The following CDH22 variants were observed in gnomAD, a reference collection of about 807,000 sequenced individuals.
CDH22 encodes the protein cadherin 22, also known as cadherin-22.
CDH22 carries 30 observed loss-of-function variants against 58.4 expected under a neutral mutation model. The ratio of observed to expected loss-of-function variants is 0.51; its 90% CI spans 0.38 to 0.70. The LOEUF (loss-of-function observed/expected upper bound fraction) is 0.70. Ranked by LOEUF, CDH22 falls within the 30% of genes least tolerant of loss-of-function variation. The pLI is 0.00. For missense variants in CDH22, 1,014 were observed against 1,233.9 expected (o/e 0.82, Z 2.67); for synonymous variants, 513 against 558.2 (o/e 0.92, Z 1.14).
In CDH22 at chr20:46,176,345, C is replaced by T. The variant is rs111353614; in HGVS notation, c.1916-1268G>A. Among the ~76,000 whole-genome samples, 1,321 of 152,350 alleles carry T rather than the reference C, an allele frequency of 8.7e-3. 17 individuals are homozygous for T. The highest frequency in any genetic ancestry group is 0.029 in the African/African-American group (1,215 of 41,578). ...GCCCTCTTGTTGACCAAGCGAATCT[C>T]AAACTTAACAGGTTCAAAGGTGAAA... On this transcript the variant is annotated intron_variant, in intron 11 of 11. Transcript: ENST00000537909.
At chr20:46,186,344 C>T (rs1421519553) in intron 10 of CDH22, among the ~76,000 whole-genome samples, 2 of 151,938 alleles carry the variant, frequency 1.3e-5, no homozygotes, top group African/African-American at 4.8e-5. Context: ...CATTTATTCC[C>T]TGTCTATATC....
intron 1 of CDH22, among the ~76,000 whole-genome samples, chr20:46,286,550 G>A (rs2086577592): frequency 6.6e-6 from 1 of 152,180 alleles, no homozygotes. Flanking sequence ...GCTGTGCTGT[G>A]ACATGCCTTC....
intron 10 of CDH22, among the ~76,000 whole-genome samples, chr20:46,182,389 T>C (rs897221686): frequency 6.6e-6 from 1 of 152,104 alleles, no homozygotes; most frequent in Non-Finnish European, 1.5e-5. Context: ...TCTCGTGTGT[T>C]TTAGGTGTGA....
chr20:46,255,930 A>C (rs970134571), intron 1 of CDH22, among the ~76,000 whole-genome samples: 4 of 152,142 alleles, frequency 2.6e-5, no homozygotes, highest in African/African-American at 9.7e-5. Flanking sequence ...AGAGCTGTTT[A>C]ATCCCAAATG....
intron 4 of CDH22, among the ~76,000 whole-genome samples, chr20:46,227,050 T>G (rs1294966123): frequency 6.6e-6 from 1 of 152,174 alleles, no homozygotes; most frequent in Non-Finnish European, 1.5e-5. Flanking sequence ...TAAAGATGCT[T>G]GTGTTTTTCC....
intron 10 of CDH22, among the ~76,000 whole-genome samples, chr20:46,184,081 T>C (rs1394761421): frequency 6.6e-6 from 1 of 151,664 alleles, no homozygotes. Context: ...TAGCTTCTCC[T>C]CTTACCCTGC....
chr20:46,254,288 C>T (rs920178402), intron 1 of CDH22, among the ~76,000 whole-genome samples: 1 of 152,118 alleles, frequency 6.6e-6, no homozygotes, highest in African/African-American at 2.4e-5. Context: ...AGTGAGGTGG[C>T]TTGTGCCTGT....
chr20:46,237,468 G>A (rs140464630), intron 3 of CDH22, among the ~76,000 whole-genome samples: 1,838 of 152,284 alleles, frequency 0.012, 21 homozygotes, highest in Non-Finnish European at 0.015. Flanking sequence ...CTCCACAGCC[G>A]GATCAGGAGG....
At chr20:46,292,030 G>A (rs969918835) in intron 1 of CDH22, among the ~76,000 whole-genome samples, 6 of 152,194 alleles carry the variant, frequency 3.9e-5, no homozygotes, top group African/African-American at 1.4e-4. Flanking sequence ...CACCCCAATG[G>A]AGAATGACTG....
At chr20:46,236,571 ATT>A (rs1187177247) in intron 3 of CDH22, among the ~76,000 whole-genome samples, 1 of 143,166 alleles carries the variant, frequency 7.0e-6, no homozygotes, top group Non-Finnish European at 1.5e-5. Context: ...ATAAATATAT[ATT>A]ATATATAAAT....
intron 1 of CDH22, among the ~76,000 whole-genome samples, chr20:46,292,735 T>C (rs1307365176): frequency 1.3e-5 from 2 of 152,170 alleles, no homozygotes; most frequent in South Asian, 2.1e-4. Context: ...CTTCCCTGCG[T>C]TGGTTCATGC....
intron 5 of CDH22, 57 bp from the exon 6 acceptor site, chr20:46,213,245 C>G: frequency 1.4e-6 from 2 of 1,422,466 alleles, no homozygotes; most frequent in Admixed American, 3.4e-5. Flanking sequence ...CAGCCTCTGC[C>G]AGCAGTGGGG....
chr20:46,187,183 C>T (rs1439288879), intron 8 of CDH22, among the ~76,000 whole-genome samples: 1 of 152,046 alleles, frequency 6.6e-6, no homozygotes, highest in Non-Finnish European at 1.5e-5. Flanking sequence ...CACTACAACG[C>T]TTGCCACCAC....
At chr20:46,297,168 C>G (rs56194818) in intron 1 of CDH22, among the ~76,000 whole-genome samples, 2,286 of 152,212 alleles carry the variant, frequency 0.015, 34 homozygotes, top group Non-Finnish European at 0.022. Context: ...CATGAGGGCT[C>G]GAAGCCAGGG....
intron 1 of CDH22, among the ~76,000 whole-genome samples, chr20:46,296,694 G>A (rs533594716): frequency 2.7e-4 from 41 of 152,326 alleles, no homozygotes; most frequent in African/African-American, 8.9e-4. Flanking sequence ...GGCTTTGAAC[G>A]CCAAGCAGAT....
chr20:46,298,344 C>G (rs923961411), intron 1 of CDH22, among the ~76,000 whole-genome samples: 7 of 152,296 alleles, frequency 4.6e-5, no homozygotes, highest in Non-Finnish European at 8.8e-5. Flanking sequence ...TCTTTAGTAT[C>G]AGGTATCTTC....
At chr20:46,304,366 A>G (rs1360942155) in intron 1 of CDH22, among the ~76,000 whole-genome samples, 2 of 152,258 alleles carry the variant, frequency 1.3e-5, no homozygotes, top group East Asian at 3.8e-4. Flanking sequence ...ATACATGCTC[A>G]TGCACATTTG....
intron 1 of CDH22, among the ~76,000 whole-genome samples, chr20:46,284,441 T>C (rs529728771): frequency 5.3e-5 from 8 of 152,244 alleles, no homozygotes; most frequent in East Asian, 1.9e-4. Flanking sequence ...TCTGGGATCT[T>C]TGGGGGAAGC....
Position 46,199,407 on chromosome 20 carries a change from G to A in CDH22, c.1423+16C>T. ...CCCCATATTTGCCCTTGGAGGGGGCGTGGCGCCCAGCTCACCCGCCTCCAT... is the reference window on the plus strand; with the variant it reads ...CCCCATATTTGCCCTTGGAGGGGGCATGGCGCCCAGCTCACCCGCCTCCAT... On this transcript the variant is annotated intron_variant, in intron 8 of 11. Transcript: ENST00000537909. The A allele has an allele frequency of 2.5e-6, 4 of 1,603,624 alleles. No individual in the cohort carries two copies. Among genetic ancestry groups the A allele is most frequent in the Non-Finnish European group, 3.4e-6 (4 of 1,178,008 alleles).
Sources: allele counts gnomAD v4.1 joint callset (sites outside exome capture counted in the v4.1 genomes callset), GRCh38; gene constraint gnomAD v4.1.1; transcripts MANE v1.5; gene names NCBI Gene and HGNC (gene_info 2026-07-23, HGNC 2026-07-21).